Variants in SLC9D1 observed in about 807,000 individuals in gnomAD.
The protein encoded by SLC9D1 is solute carrier family 9 member D1, also known as putative LAG1-interacting protein.
chr13:113,540,110 G>A, the SLC9D1 span, among the ~76,000 whole-genome samples: 1 of 152,122 alleles, frequency 6.6e-6, no homozygotes, highest in South Asian at 2.1e-4. Context: ...TCTTTATCTG[G>A]TCCACGGTTG....
the SLC9D1 span, among the ~76,000 whole-genome samples, chr13:113,497,816 T>A: frequency 3.9e-5 from 6 of 152,244 alleles, no homozygotes; most frequent in South Asian, 4.1e-4. Flanking sequence ...AGTAAGATTA[T>A]TGATTAAATA....
the SLC9D1 span, among the ~76,000 whole-genome samples, chr13:113,517,430 G>T: frequency 6.6e-6 from 1 of 152,056 alleles, no homozygotes. Context: ...GGGTTTCACC[G>T]TGTTAGCCAG....
the SLC9D1 span, among the ~76,000 whole-genome samples, chr13:113,545,566 C>T: frequency 3.0e-4 from 45 of 152,332 alleles, no homozygotes; most frequent in African/African-American, 9.4e-4. Flanking sequence ...TCACTCCCCC[C>T]ACCCCCACTC....
chr13:113,548,822 T>G, the SLC9D1 span, among the ~76,000 whole-genome samples: 7 of 152,230 alleles, frequency 4.6e-5, no homozygotes, highest in East Asian at 1.9e-4. Flanking sequence ...TGGAGGTTCC[T>G]GTGGACACTG....
At chr13:113,526,060 C>T in the SLC9D1 span, among the ~76,000 whole-genome samples, 5,934 of 150,628 alleles carry the variant, frequency 0.039, 172 homozygotes, top group Non-Finnish European at 0.055. Flanking sequence ...TAGAACAAGC[C>T]GTCGTCGTCG....
At chr13:113,536,591 A>G in the SLC9D1 span, 1 of 985,128 alleles carries the variant, frequency 1.0e-6, no homozygotes, top group Non-Finnish European at 1.2e-6. Context: ...TTGCCCTCCC[A>G]GTGGCTTCTT....
At chr13:113,497,554 T>TAGCTGAGTGAGACCTGC in the SLC9D1 span, among the ~76,000 whole-genome samples, 1 of 126,886 alleles carries the variant, frequency 7.9e-6, no homozygotes, top group African/African-American at 3.2e-5. Flanking sequence ...GCGAGACTTG[T>TAGCTGAGTGAGACCTGC]AGCTGTGTGA....
chr13:113,497,332 G>A, the SLC9D1 span, among the ~76,000 whole-genome samples: 5 of 150,984 alleles, frequency 3.3e-5, no homozygotes, highest in African/African-American at 1.2e-4. Flanking sequence ...ACCTGCAGCT[G>A]TGTGTGAGAT....
the SLC9D1 span, among the ~76,000 whole-genome samples, chr13:113,495,254 A>G: frequency 6.6e-6 from 1 of 152,200 alleles, no homozygotes; most frequent in Non-Finnish European, 1.5e-5. Context: ...ATGACCTTTA[A>G]TCCTTTCTAT....
the SLC9D1 span, among the ~76,000 whole-genome samples, chr13:113,492,521 C>T: frequency 2.6e-5 from 4 of 152,336 alleles, no homozygotes; most frequent in East Asian, 5.8e-4. Flanking sequence ...TGAATCTACA[C>T]CTGTGTGTCT....
At chr13:113,519,997 A>G in the SLC9D1 span, among the ~76,000 whole-genome samples, 3 of 152,236 alleles carry the variant, frequency 2.0e-5, no homozygotes, top group Non-Finnish European at 4.4e-5. Flanking sequence ...TCTGGGACGC[A>G]GTGAAATTGG....
chr13:113,493,141 G>A, the SLC9D1 span, among the ~76,000 whole-genome samples: 1 of 152,164 alleles, frequency 6.6e-6, no homozygotes, highest in Non-Finnish European at 1.5e-5. Flanking sequence ...GGAAATTTTA[G>A]TATAACTACA....
At chr13:113,529,379 A>C in the SLC9D1 span, 1 of 150,998 alleles carries the variant, frequency 6.6e-6, no homozygotes, top group Non-Finnish European at 1.5e-5. Flanking sequence ...AGCCGGGCGC[A>C]GCGGCTTCCG....
At chr13:113,532,205 A>G in the SLC9D1 span, among the ~76,000 whole-genome samples, 2 of 152,218 alleles carry the variant, frequency 1.3e-5, no homozygotes, top group South Asian at 4.1e-4. Flanking sequence ...CAATGAATGA[A>G]TGATGCACAA....
At chr13:113,537,902 T>A in the SLC9D1 span, among the ~76,000 whole-genome samples, 1 of 152,164 alleles carries the variant, frequency 6.6e-6, no homozygotes, top group African/African-American at 2.4e-5. Flanking sequence ...TGTGTGTGCG[T>A]GCATGTGCAT....
chr13:113,541,126 T>C, the SLC9D1 span, among the ~76,000 whole-genome samples: 2 of 152,230 alleles, frequency 1.3e-5, no homozygotes, highest in Non-Finnish European at 2.9e-5. Flanking sequence ...TGCTAGAGTT[T>C]GGAGTCAGGT....
the SLC9D1 span, among the ~76,000 whole-genome samples, chr13:113,541,282 G>T: frequency 6.6e-6 from 1 of 151,044 alleles, no homozygotes; most frequent in Non-Finnish European, 1.5e-5. Context: ...TGGATGATAC[G>T]CACACGATTG....
At chr13:113,495,855 C>G in the SLC9D1 span, 1 of 1,614,048 alleles carries the variant, frequency 6.2e-7, no homozygotes, top group East Asian at 2.2e-5. Context: ...GAAACTGTTT[C>G]AGGTGCACAC....
At chr13:113,549,519 A>G in the SLC9D1 span, 1 of 1,614,078 alleles carries the variant, frequency 6.2e-7, no homozygotes. Flanking sequence ...CCCAGACCGG[A>G]GAGACGGTCC....
Sources: gnomAD v4.1 joint callset for allele counts (sites outside exome capture counted in the v4.1 genomes callset) on GRCh38, gnomAD v4.1.1 for gene constraint, MANE v1.5 for transcripts, NCBI Gene and HGNC (gene_info 2026-07-23, HGNC 2026-07-21) for gene names.